PZP: variants seen among roughly 807,000 people sequenced by gnomAD.
PZP encodes pregnancy zone protein.
PZP carries 150 observed loss-of-function variants against 179.8 expected under a neutral mutation model. That is an observed-to-expected ratio of 0.83 (90% CI 0.73 to 0.96). The LOEUF (loss-of-function observed/expected upper bound fraction) is 0.96, where lower values mean the gene tolerates loss of function less well. Ranked by LOEUF, PZP falls within the 40% of genes least tolerant of loss-of-function variation. The probability of loss-of-function intolerance (pLI) is 0.00; values close to 1 mark genes in which losing one functional copy is unlikely to be tolerated. For synonymous variants in PZP, 624 were observed against 652.3 expected, an observed-to-expected ratio of 0.96 and a Z score of 0.66; for missense variants, 1,689 against 1,764.0, an observed-to-expected ratio of 0.96 and a Z score of 0.76.
At chr12:9,171,261 T>C (rs1435020996) in intron 15 of PZP, among the ~76,000 whole-genome samples, 1 of 152,136 alleles carries the variant, frequency 6.6e-6, no homozygotes, top group Non-Finnish European at 1.5e-5. Flanking sequence ...AGCAGCCCTA[T>C]GATAGAGTGG....
intron 13 of PZP, among the ~76,000 whole-genome samples, chr12:9,189,566 C>T (rs1943333129): frequency 6.6e-6 from 1 of 152,164 alleles, no homozygotes; most frequent in Admixed American, 6.6e-5. Context: ...CAATACCATT[C>T]TGGACACAGG....
intron 13 of PZP, among the ~76,000 whole-genome samples, chr12:9,191,966 A>C (rs1943480953): frequency 6.6e-6 from 1 of 152,236 alleles, no homozygotes; most frequent in Non-Finnish European, 1.5e-5. Context: ...AACTAAAGTG[A>C]AAAACTAGTG....
chr12:9,139,850 A>AT, the PZP span, among the ~76,000 whole-genome samples: 51,548 of 152,028 alleles, frequency 0.34, 10,356 homozygotes, highest in Non-Finnish European at 0.44. Context: ...ATTCTGACCA[A>AT]TTTTTGGTCA....
At chr12:9,138,538 T>C in the PZP span, among the ~76,000 whole-genome samples, 2 of 152,044 alleles carry the variant, frequency 1.3e-5, no homozygotes, top group Non-Finnish European at 2.9e-5. Context: ...AGTTTGGAAG[T>C]GTTCTCTCAC....
intron 29 of PZP, among the ~76,000 whole-genome samples, chr12:9,154,060 A>G (rs1165290104): frequency 6.6e-6 from 1 of 152,206 alleles, no homozygotes. Flanking sequence ...TTCTCATTCC[A>G]AAAAGATCAA....
chr12:9,157,790 G>T lies in PZP; in HGVS notation c.3346C>A (p.Leu1116Met). 6.2e-7 allele frequency: 1 copy of T among 1,614,074 alleles called. No homozygotes were observed. The highest frequency in any genetic ancestry group is 8.5e-7 in the Non-Finnish European group (1 of 1,179,924). ...ACAGTGACTGGGAGAGGAATTTCCA[G>T]AAGGGCAATAGTAACATAGGCGGAG... ...TLSAYVTIAL[L>M]EIPLPVTNPI... is the part of the protein sequence containing the mutation. Residue 1116 changes from leucine to methionine, a missense_variant, in exon 27 of 36, where the codon CTG (leucine) becomes ATG (methionine). Leu to Met is a conservative substitution (Grantham distance 15, BLOSUM62 2). This residue lies in a region of PZP where 746 missense variants were observed against 749.2 expected (regional missense o/e 1.00). Transcript: ENST00000261336.
In PZP at chr12:9,165,071, CAGT is replaced by C. The variant is rs1452182806; in HGVS notation, c.2487+65_2487+67del. 3.9e-6 allele frequency: 6 copies of C among 1,526,544 alleles called. No individual in the cohort carries two copies. In the African/African-American group the frequency reaches 6.9e-5, roughly 17 times the overall value. The allele number at this position is 1,526,544 out of a possible 1,614,324, so 94.6% of individuals were successfully genotyped here. ...TTATCCTTAGTCTCAGGAACAGAAT[CAGT>C]AGCTGACTGATCAAAGGAATCTTTT... On this transcript the variant is annotated intron_variant, in intron 19 of 35. Transcript: ENST00000261336.
At chr12:9,163,815 G>A in intron 20 of PZP, 26 bp from the exon 21 acceptor site, 1 of 1,605,516 alleles carries the variant, frequency 6.2e-7, no homozygotes, top group Non-Finnish European at 8.5e-7. Flanking sequence ...TTGAAAACAT[G>A]AGTATCCACT....
chr12:9,196,896 T>C, intron 8 of PZP, 116 bp downstream of exon 8: 4 of 900,036 alleles, frequency 4.4e-6, no homozygotes, highest in Middle Eastern at 4.5e-4. Context: ...AAATTCGTTT[T>C]TTGGTGGGGG....
intron 18 of PZP, among the ~76,000 whole-genome samples, chr12:9,165,748 C>G (rs1168171054): frequency 1.3e-5 from 2 of 152,198 alleles, no homozygotes; most frequent in African/African-American, 4.8e-5. Context: ...TGTGCCTGCT[C>G]CAGCCCTGAT....
At position 9,166,097 on chromosome 12, in the gene PZP, C is replaced by A. The variant is rs374726093; in HGVS notation, c.2213G>T (p.Arg738Leu). The change falls in exon 18 of 36, where the codon CGA (arginine) becomes CTA (leucine). Residue 738 changes from arginine (R) to leucine (L), a missense_variant. By Grantham distance (102) the Arg-to-Leu change is moderately radical. Transcript: ENST00000261336. ...QSSGPVPETV[R>L]SYFPETWIWE... Reference sequence around the variant, plus strand: ...GATCCAAGTCTCAGGAAAATAGCTTCGCACCGTTTCAGGGACTGGCCCTGA... The same window carrying A: ...GATCCAAGTCTCAGGAAAATAGCTTAGCACCGTTTCAGGGACTGGCCCTGA... The A allele has an allele frequency of 6.2e-7, 1 of 1,612,574 alleles. No homozygotes were observed.
rs761687487 is a variant in PZP, at chr12:9,200,988, GA to G, written c.573del (p.Leu193SerfsTer45). On this transcript the variant is annotated frameshift_variant, in exon 6 of 36. Transcript: ENST00000261336. LOFTEE classifies it high-confidence loss of function. ...KLEAGINQLSFPLSSEPIQGS... is the reference protein window; with the variant it reads ...KLEAGINQLSXPLSSEPIQGS... ...CCCTGAATGGGCTCTGATGAGAGGG[GA>G]AAGGACAACTGATTGATGCCAGCTT... 9 of 1,614,112 alleles carry G rather than the reference GA, an allele frequency of 5.6e-6. No individual in the cohort carries two copies. The South Asian group carries it at 9.9e-5, about 18-fold the overall frequency.
chr12:9,192,014 C>T (rs963456160), intron 13 of PZP, among the ~76,000 whole-genome samples, 179 bp downstream of exon 13: 1 of 152,158 alleles, frequency 6.6e-6, no homozygotes, highest in African/African-American at 2.4e-5. Flanking sequence ...TAGACAATCA[C>T]ATTTATCTGT....
intron 11 of PZP, among the ~76,000 whole-genome samples, chr12:9,193,567 G>T (rs1465264863): frequency 2.0e-5 from 3 of 152,096 alleles, no homozygotes; most frequent in African/African-American, 7.2e-5. Flanking sequence ...GAGTTAACAC[G>T]TGAAACTGAG....
Position 9,202,626 on chromosome 12 carries a change from G to C in PZP, c.326C>G (p.Pro109Arg). Residue 109 changes from proline (P) to arginine (R), a missense_variant, in exon 3 of 36, where the codon CCT becomes CGT. This residue lies in a region of PZP where 742 missense variants were observed against 730.5 expected (regional missense o/e 1.02). Coordinates refer to ENST00000261336, the MANE Select transcript of PZP (RefSeq NM_002864.3). ...VAFLSIQIKGPTQDFRKRNTV... is the reference protein window; with the variant it reads ...VAFLSIQIKGRTQDFRKRNTV... Reference sequence around the variant, plus strand: ...GTTCCTCTTCCTGAAATCTTGCGTAGGCCCCTTTATCTGGATGCTAAGGAA... The same window carrying C: ...GTTCCTCTTCCTGAAATCTTGCGTACGCCCCTTTATCTGGATGCTAAGGAA... 6.2e-7 allele frequency: 1 copy of C among 1,614,070 alleles called. No homozygotes were observed. Among genetic ancestry groups the C allele is most frequent in the Non-Finnish European group, 8.5e-7 (1 of 1,179,976 alleles).
intron 11 of PZP, 117 bp downstream of exon 11, chr12:9,193,960 T>C (rs937690955): frequency 5.7e-6 from 6 of 1,050,680 alleles, no homozygotes; most frequent in Non-Finnish European, 6.6e-6. Context: ...ATTTGTAAAC[T>C]CAAAGTTAGA....
At chr12:9,162,908 T>C (rs1221923784) in intron 21 of PZP, among the ~76,000 whole-genome samples, 1 of 152,168 alleles carries the variant, frequency 6.6e-6, no homozygotes, top group African/African-American at 2.4e-5. Flanking sequence ...CACTAGCTAT[T>C]CTTCCTGATG....
chr12:9,189,586 G>T (rs1211067515), intron 13 of PZP, among the ~76,000 whole-genome samples: 1 of 152,146 alleles, frequency 6.6e-6, no homozygotes, highest in Non-Finnish European at 1.5e-5. Flanking sequence ...GAACTGCAAA[G>T]ATTTCATGAA....
chr12:9,149,326 A>G (rs1940180432), intron 35 of PZP, among the ~76,000 whole-genome samples: 1 of 152,232 alleles, frequency 6.6e-6, no homozygotes, highest in South Asian at 2.1e-4. Context: ...TCGCTTTTAG[A>G]GATAGCTGTC....
Sources: gnomAD v4.1 joint callset for allele counts (sites outside exome capture counted in the v4.1 genomes callset) on GRCh38, gnomAD v4.1.1 for gene constraint, gnomAD v4.1.1 regional missense constraint, MANE v1.5 for transcripts, NCBI Gene and HGNC (gene_info 2026-07-23, HGNC 2026-07-21) for gene names.